Variants in C1orf21 observed in about 807,000 individuals in gnomAD.
C1orf21 encodes the protein chromosome 1 open reading frame 21, also known as uncharacterized protein C1orf21.
C1orf21 carries 3 observed loss-of-function variants against 18.7 expected under a neutral mutation model. That is an observed-to-expected ratio of 0.16 (90% CI 0.07 to 0.42). C1orf21 has a LOEUF of 0.42. C1orf21 is among the 10% of genes least tolerant of loss of function. The probability of loss-of-function intolerance (pLI) is 0.99; values close to 1 mark genes in which losing one functional copy is unlikely to be tolerated. For synonymous variants in C1orf21, 41 were observed against 46.4 expected, an observed-to-expected ratio of 0.88 and a Z score of 0.47; for missense variants, 104 against 143.6, an observed-to-expected ratio of 0.72 and a Z score of 1.41.
intron 3 of C1orf21, among the ~76,000 whole-genome samples, chr1:184,524,444 G>A (rs915874195): frequency 1.3e-5 from 2 of 151,988 alleles, no homozygotes; most frequent in Non-Finnish European, 2.9e-5. Context: ...CCTTTATTAT[G>A]TTGCATTTGA....
At chr1:184,591,355 G>A (rs1659433320) in intron 4 of C1orf21, among the ~76,000 whole-genome samples, 1 of 152,214 alleles carries the variant, frequency 6.6e-6, no homozygotes, top group African/African-American at 2.4e-5. Context: ...AGGCCAGTTA[G>A]AAGAAAACAG....
chr1:184,498,484 T>C (rs1657926260), intron 2 of C1orf21, among the ~76,000 whole-genome samples: 1 of 152,168 alleles, frequency 6.6e-6, no homozygotes, highest in South Asian at 2.1e-4. Context: ...TATAATTTCC[T>C]AATCCTAACA....
intron 1 of C1orf21, among the ~76,000 whole-genome samples, chr1:184,414,074 G>A (rs148767239): frequency 2.3e-3 from 352 of 152,258 alleles, no homozygotes; most frequent in Middle Eastern, 0.017. Context: ...TGCAGAGTGC[G>A]TCTTCCCTGA....
In C1orf21 at chr1:184,574,484, T is replaced by A. The variant is rs116208132; in HGVS notation, c.190-16255T>A. Among the ~76,000 whole-genome samples the A allele has an allele frequency of 8.7e-4, 133 of 152,368 alleles. No homozygotes were observed. In the Middle Eastern group the frequency reaches 0.014, roughly 16 times the overall value. On this transcript the variant is annotated intron_variant, in intron 3 of 5. Transcript: ENST00000235307. ...TCCCTAAAGGATTACGTATTTATGTTTGCCAAGACACATTTCTGAGGATCT... is the reference window on the plus strand; with the variant it reads ...TCCCTAAAGGATTACGTATTTATGTATGCCAAGACACATTTCTGAGGATCT...
intron 3 of C1orf21, among the ~76,000 whole-genome samples, chr1:184,532,779 A>G (rs1372750742): frequency 1.3e-5 from 2 of 152,136 alleles, no homozygotes; most frequent in Non-Finnish European, 2.9e-5. Context: ...TCTGACTCCA[A>G]CTTCACAGTT....
chr1:184,437,356 T>A (rs751928434), intron 1 of C1orf21, among the ~76,000 whole-genome samples: 2 of 152,158 alleles, frequency 1.3e-5, no homozygotes, highest in Non-Finnish European at 2.9e-5. Flanking sequence ...CCAACAGCCA[T>A]CGATCAGGAA....
chr1:184,622,799 G>T lies in C1orf21; in HGVS notation c.*3243G>T, dbSNP rs964153488. On this transcript the variant is annotated 3_prime_UTR_variant, in exon 6 of 6. Coordinates refer to ENST00000235307, the MANE Select transcript of C1orf21 (RefSeq NM_030806.4). Reference sequence around the variant, plus strand: ...ACCCAGGAGGAGTGCTGGTTCTTCAGTCTTTGTACTGGCCCCATCCTCTCC... The same window carrying T: ...ACCCAGGAGGAGTGCTGGTTCTTCATTCTTTGTACTGGCCCCATCCTCTCC... 4.6e-5 allele frequency: 7 copies of T among 152,384 alleles called. No individual in the cohort carries two copies. The highest frequency in any genetic ancestry group is 4.6e-4 in the Admixed American group (7 of 15,300). The allele number at this position is 152,384 out of a possible 1,614,324, so 9.4% of individuals were successfully genotyped here.
intron 5 of C1orf21, among the ~76,000 whole-genome samples, chr1:184,615,281 A>T (rs1481632925): frequency 6.6e-6 from 1 of 152,150 alleles, no homozygotes; most frequent in Non-Finnish European, 1.5e-5. Flanking sequence ...TGGTCGGAAA[A>T]ATTTTGGTAG....
chr1:184,394,634 T>G (rs1214491747), intron 1 of C1orf21, among the ~76,000 whole-genome samples: 1 of 152,206 alleles, frequency 6.6e-6, no homozygotes, highest in Non-Finnish European at 1.5e-5. Context: ...AGTAAGGAGA[T>G]GCTGCGGGCT....
chr1:184,603,795 C>CA, intron 5 of C1orf21, among the ~76,000 whole-genome samples: 1 of 152,042 alleles, frequency 6.6e-6, no homozygotes, highest in Non-Finnish European at 1.5e-5. Flanking sequence ...GACTCCGTGT[C>CA]AAAAAAGTAA....
chr1:184,609,677 T>C (rs1303904197), intron 5 of C1orf21, among the ~76,000 whole-genome samples: 1 of 152,096 alleles, frequency 6.6e-6, no homozygotes, highest in Admixed American at 6.6e-5. Context: ...ACAAATAGCA[T>C]GGAAATCTTC....
At chr1:184,501,977 GTCACTAGTA>G (rs1657982576) in intron 2 of C1orf21, among the ~76,000 whole-genome samples, 1 of 152,156 alleles carries the variant, frequency 6.6e-6, no homozygotes, top group Non-Finnish European at 1.5e-5. Context: ...AGTATCCAGT[GTCACTAGTA>G]AATTTTAAAA....
chr1:184,400,758 A>G (rs1424753456), intron 1 of C1orf21, among the ~76,000 whole-genome samples: 1 of 152,190 alleles, frequency 6.6e-6, no homozygotes, highest in Non-Finnish European at 1.5e-5. Flanking sequence ...ACTTCATTTA[A>G]TTAACTAGAT....
rs1023025578 is a variant in C1orf21 at position 184,621,146 on chromosome 1, A to G, written c.*1590A>G. On this transcript the variant is annotated 3_prime_UTR_variant, in exon 6 of 6. Transcript: ENST00000235307. ...TGAGCCTCGATTTTAAAATCTATCC[A>G]CATCCAACTGATGGCACCATTGATG... 12 of 152,440 alleles carry G rather than the reference A, an allele frequency of 7.9e-5. No individual in the cohort carries two copies. Among genetic ancestry groups the G allele is most frequent in the African/African-American group, 2.9e-4 (12 of 41,454 alleles). The allele number at this position is 152,440 out of a possible 1,614,324, so 9.4% of individuals were successfully genotyped here. A position where few individuals can be genotyped will look rare whatever the true frequency, so the allele number is the denominator to read the frequency against.
At chr1:184,566,202 C>T (rs993123952) in intron 3 of C1orf21, among the ~76,000 whole-genome samples, 3 of 152,146 alleles carry the variant, frequency 2.0e-5, no homozygotes, top group South Asian at 2.1e-4. Flanking sequence ...CACGTTCTGC[C>T]GTACCTGCCC....
At chr1:184,610,906 C>T (rs530372408) in intron 5 of C1orf21, among the ~76,000 whole-genome samples, 1 of 151,018 alleles carries the variant, frequency 6.6e-6, no homozygotes, top group Non-Finnish European at 1.5e-5. Context: ...AATGGGGATT[C>T]GGGTATAATA....
chr1:184,481,050 A>G (rs1657647093), intron 2 of C1orf21, among the ~76,000 whole-genome samples: 1 of 152,150 alleles, frequency 6.6e-6, no homozygotes, highest in Admixed American at 6.5e-5. Context: ...TAGTTAGATA[A>G]GCTTCCAGTG....
intron 1 of C1orf21, among the ~76,000 whole-genome samples, chr1:184,404,103 A>G (rs755323836): frequency 3.3e-5 from 5 of 152,224 alleles, no homozygotes; most frequent in South Asian, 2.1e-4. Flanking sequence ...GATATGGTCT[A>G]CATTTTACAG....
chr1:184,449,206 C>G (rs192068852), intron 1 of C1orf21, among the ~76,000 whole-genome samples: 2 of 151,342 alleles, frequency 1.3e-5, no homozygotes, highest in African/African-American at 2.4e-5. Flanking sequence ...CCCTTCCCCC[C>G]ACCCTACAAC....
Sources: allele counts gnomAD v4.1 joint callset (sites outside exome capture counted in the v4.1 genomes callset), GRCh38; gene constraint gnomAD v4.1.1; transcripts MANE v1.5; gene names NCBI Gene and HGNC (gene_info 2026-07-23, HGNC 2026-07-21).